Variants in IQCK observed in about 807,000 individuals in gnomAD.
IQCK encodes the protein IQ domain-containing protein K.
Under a neutral mutation model 28.1 loss-of-function variants are expected in IQCK, and 29 were observed. The ratio of observed to expected loss-of-function variants is 1.03; its 90% CI spans 0.77 to 1.41. IQCK has a LOEUF of 1.41. Among genes scored for constraint, IQCK ranks in the 40% most tolerant of loss-of-function variants. The pLI, the probability that IQCK is intolerant of heterozygous loss-of-function variation, is 0.00. For missense variants in IQCK, 359 were observed against 314.7 expected (o/e 1.14, Z -1.07); for synonymous variants, 113 against 115.1 (o/e 0.98, Z 0.12).
intron 1 of IQCK, among the ~76,000 whole-genome samples, chr16:19,729,178 G>A (rs904757637): frequency 2.0e-5 from 3 of 152,032 alleles, no homozygotes; most frequent in Non-Finnish European, 4.4e-5. Context: ...TCGCTGTGTC[G>A]CTGACTGAAA....
intron 9 of IQCK, among the ~76,000 whole-genome samples, chr16:19,855,587 A>G (rs959075336): frequency 6.6e-6 from 1 of 152,134 alleles, no homozygotes; most frequent in Non-Finnish European, 1.5e-5. Flanking sequence ...TCCCCAAAAA[A>G]ACAAAAAAGT....
exon 8 of IQCK, chr16:19,827,106 C>G: frequency 1.9e-6 from 3 of 1,613,916 alleles, no homozygotes; most frequent in Admixed American, 3.3e-5. Context: ...ACCAGCAAGT[C>G]AAAATTTTCT....
At chr16:19,821,528 C>A (rs185740903) in intron 7 of IQCK, among the ~76,000 whole-genome samples, 21 of 152,176 alleles carry the variant, frequency 1.4e-4, no homozygotes, top group Non-Finnish European at 2.2e-4. Flanking sequence ...GGTGAAACCC[C>A]GTGTCTACTA....
intron 7 of IQCK, among the ~76,000 whole-genome samples, chr16:19,824,937 C>T (rs1015124793): frequency 1.3e-5 from 2 of 152,186 alleles, no homozygotes; most frequent in African/African-American, 2.4e-5. Context: ...TCTAGTTCGT[C>T]CTTCAAAACA....
chr16:19,838,549 C>G (rs1455886369), intron 9 of IQCK, among the ~76,000 whole-genome samples: 1 of 152,114 alleles, frequency 6.6e-6, no homozygotes. Flanking sequence ...TTCTGTCTGC[C>G]TTGTCAAGCT....
intron 7 of IQCK, among the ~76,000 whole-genome samples, chr16:19,819,881 GA>G (rs113684524): frequency 0.015 from 2,151 of 144,396 alleles, 24 homozygotes; most frequent in African/African-American, 0.021. Context: ...AGTTTAACTT[GA>G]AAAAAAAAAA....
At chr16:19,852,324 CAAGCCTCCAG>C (rs1237827911) in intron 9 of IQCK, among the ~76,000 whole-genome samples, 1 of 152,142 alleles carries the variant, frequency 6.6e-6, no homozygotes, top group African/African-American at 2.4e-5. Context: ...TGAGCCTCCA[CAAGCCTCCAG>C]AGGCTGCAGG....
In IQCK at chr16:19,808,216, C is replaced by CT. The variant is rs544261685; in HGVS notation, c.691-18808dup. 6.1e-3 allele frequency among the ~76,000 whole-genome samples: 935 copies of CT among 152,312 alleles called. 4 individuals carry two copies. The highest frequency in any genetic ancestry group is 0.011 in the Non-Finnish European group (716 of 68,022). ...CTGACTTCTCAGGTCAGGCCCTTCC[C>CT]TTCCCCCTGCCTGCTCCTGTAGTTG... On this transcript the variant is annotated intron_variant, in intron 7 of 7. Transcript: ENST00000564186.
exon 1 of IQCK, chr16:19,718,339 A>C: frequency 6.2e-7 from 1 of 1,610,230 alleles, no homozygotes; most frequent in South Asian, 1.1e-5. Context: ...CCAGCCACAT[A>C]GTGCGCCTCA....
chr16:19,729,033 C>T (rs931626264), intron 1 of IQCK, among the ~76,000 whole-genome samples: 24 of 152,168 alleles, frequency 1.6e-4, no homozygotes, highest in African/African-American at 5.1e-4. Flanking sequence ...ATATTTTTAC[C>T]AGTCTTTGCT....
At chr16:19,768,623 G>A (rs2055276060) in intron 6 of IQCK, among the ~76,000 whole-genome samples, 1 of 152,128 alleles carries the variant, frequency 6.6e-6, no homozygotes, top group Non-Finnish European at 1.5e-5. Flanking sequence ...GTGTGCGTCT[G>A]TAATCCCAGC....
Position 19,735,481 on chromosome 16 carries a change from G to A in IQCK, c.474+31G>A, listed in dbSNP as rs199730277. 5.0e-4 allele frequency: 736 copies of A among 1,468,646 alleles called. 1 individual carries two copies. The highest frequency in any genetic ancestry group is 6.6e-4 in the Non-Finnish European group (687 of 1,047,452). 91.0% of individuals were successfully genotyped at this position (1,468,646 alleles called of 1,614,324 possible). A position where few individuals can be genotyped will look rare whatever the true frequency, so the allele number is the denominator to read the frequency against. ...TTGTTTGGCAGGATTTCTTTATTTT[G>A]AGATTCTCAATCATTCATTATTATC... On this transcript the variant is annotated intron_variant, in intron 4 of 7. Transcript: ENST00000564186.
Position 19,731,984 on chromosome 16 carries a change from G to A in IQCK, c.246+1490G>A, listed in dbSNP as rs561995858. ...AGAGCCCCAGGGACCACTGGTGAGA[G>A]CCCTGGAGTCTCAAAGCCAGAGAAC... On this transcript the variant is annotated intron_variant, in intron 2 of 7. Coordinates refer to ENST00000564186, the Ensembl canonical transcript of IQCK. Among the ~76,000 whole-genome samples, 6 of 152,348 alleles carry A rather than the reference G, an allele frequency of 3.9e-5. No homozygotes were observed. The East Asian group carries it at 9.6e-4, about 24-fold the overall frequency.
downstream of IQCK, among the ~76,000 whole-genome samples, chr16:19,829,703 T>G (rs189654484): frequency 1.6e-3 from 248 of 152,284 alleles, no homozygotes; most frequent in Non-Finnish European, 2.9e-3. Flanking sequence ...CTTTAAAATG[T>G]GGAGTCCTTT....
intron 6 of IQCK, among the ~76,000 whole-genome samples, chr16:19,778,376 GTTAAA>G (rs2055426282): frequency 6.6e-6 from 1 of 152,018 alleles, no homozygotes; most frequent in African/African-American, 2.4e-5. Flanking sequence ...TAGTGTCAGA[GTTAAA>G]TTAAATTGTA....
rs910047787 is a variant in IQCK at position 19,740,830 on chromosome 16, G to A, written c.474+5380G>A. On this transcript the variant is annotated intron_variant, in intron 4 of 7. Transcript: ENST00000564186. ...CTAAAAATACAAAAATTAGCCGGGC[G>A]TGGTGGCAGGTGCCTGAGTCCCAGC... Among the ~76,000 whole-genome samples the A allele has an allele frequency of 4.6e-5, 7 of 151,832 alleles. No homozygotes were observed. The East Asian group carries it at 5.8e-4, about 13-fold the overall frequency.
At chr16:19,733,785 C>A in exon 3 of IQCK, 4 of 1,614,158 alleles carry the variant, frequency 2.5e-6, no homozygotes, top group Non-Finnish European at 2.5e-6. Context: ...CTCACGTACA[C>A]CCTGTCCTCA....
chr16:19,758,954 T>C (rs2055092588), intron 4 of IQCK, among the ~76,000 whole-genome samples: 1 of 152,136 alleles, frequency 6.6e-6, no homozygotes, highest in South Asian at 2.1e-4. Flanking sequence ...TAAAGCTGAG[T>C]TTGCCATTTC....
chr16:19,735,732 T>A, intron 4 of IQCK: 1 of 418,708 alleles, frequency 2.4e-6, no homozygotes, highest in South Asian at 2.2e-5. Context: ...ACCAGGTTTC[T>A]TGGGTCTTCA....
Sources: allele counts gnomAD v4.1 joint callset (sites outside exome capture counted in the v4.1 genomes callset), GRCh38; gene constraint gnomAD v4.1.1; transcripts MANE v1.5; gene names NCBI Gene and HGNC (gene_info 2026-07-23, HGNC 2026-07-21).